The following IGSF11 variants were observed in gnomAD, a reference collection of about 807,000 sequenced individuals.
IGSF11 encodes CXADR like 1.
A neutral mutation model predicts 41.0 loss-of-function variants in IGSF11; 22 were observed. The observed-to-expected ratio is 0.54, with a 90% CI of 0.38 to 0.77. IGSF11 has a LOEUF of 0.77. Ranked by LOEUF, IGSF11 falls within the 30% of genes least tolerant of loss-of-function variation. The pLI, the probability that IGSF11 is intolerant of heterozygous loss-of-function variation, is 0.00. For synonymous variants in IGSF11, 219 were observed against 201.3 expected (o/e 1.09, Z -0.74); for missense variants, 444 against 530.8 (o/e 0.84, Z 1.61).
intron 1 of IGSF11, among the ~76,000 whole-genome samples, chr3:119,056,806 G>C (rs1206919300): frequency 2.0e-5 from 3 of 152,168 alleles, no homozygotes; most frequent in Non-Finnish European, 4.4e-5. Context: ...TGGGATGCAA[G>C]GCTGGTTCAA....
At chr3:119,126,873 C>G (rs2077411834) in intron 1 of IGSF11, among the ~76,000 whole-genome samples, 1 of 152,134 alleles carries the variant, frequency 6.6e-6, no homozygotes, top group South Asian at 2.1e-4. Flanking sequence ...AAACCCCATC[C>G]AAGGGTCAGC....
chr3:118,906,860 A>T (rs909498480), intron 4 of IGSF11, among the ~76,000 whole-genome samples: 1 of 152,118 alleles, frequency 6.6e-6, no homozygotes, highest in African/African-American at 2.4e-5. Context: ...TTTTATTATT[A>T]ATCTCATTGA....
chr3:118,999,598 C>CA (rs1183255492), intron 1 of IGSF11, among the ~76,000 whole-genome samples: 2 of 152,060 alleles, frequency 1.3e-5, no homozygotes, highest in Non-Finnish European at 2.9e-5. Context: ...AGTGACTGAG[C>CA]AAAAAATTTT....
intron 1 of IGSF11, among the ~76,000 whole-genome samples, chr3:119,028,771 A>C (rs757588798): frequency 6.6e-6 from 1 of 152,164 alleles, no homozygotes; most frequent in Non-Finnish European, 1.5e-5. Context: ...TGTAAAGATT[A>C]GTTGAAGCTG....
At chr3:119,110,108 G>A (rs554949980), upstream of IGSF11, among the ~76,000 whole-genome samples, 20 of 152,142 alleles carry the variant, frequency 1.3e-4, no homozygotes, top group East Asian at 7.7e-4. Flanking sequence ...TATTAGGTCC[G>A]CTTGGTGCAG....
At position 119,034,822 on chromosome 3, in the gene IGSF11, T is replaced by C. The variant is rs1576706372; in HGVS notation, c.-240A>G. ...AGAGGCGTTCCGGGCTCGCCAGCCGTGCCACCCAGCCCTGCCCCAGGACTA... is the reference window on the plus strand; with the variant it reads ...AGAGGCGTTCCGGGCTCGCCAGCCGCGCCACCCAGCCCTGCCCCAGGACTA... On this transcript the variant is annotated 5_prime_UTR_variant, in exon 1 of 7. Transcript: ENST00000393775. 4.8e-6 allele frequency: 6 copies of C among 1,255,752 alleles called. No individual in the cohort carries two copies. Among genetic ancestry groups the C allele is most frequent in the East Asian group, 3.2e-5 (1 of 31,412 alleles). The allele number at this position is 1,255,752 out of a possible 1,614,324, so 77.8% of individuals were successfully genotyped here.
intron 1 of IGSF11, among the ~76,000 whole-genome samples, chr3:119,097,205 A>G (rs2076867176): frequency 6.6e-6 from 1 of 152,176 alleles, no homozygotes; most frequent in African/African-American, 2.4e-5. Context: ...TTTGTCTGCC[A>G]TAATACGTTT....
chr3:118,957,036 A>G (rs1328225145), intron 1 of IGSF11, among the ~76,000 whole-genome samples: 2 of 152,058 alleles, frequency 1.3e-5, no homozygotes, highest in Non-Finnish European at 2.9e-5. Flanking sequence ...TTCCATCTAC[A>G]AGCAGGAGTC....
intron 1 of IGSF11, among the ~76,000 whole-genome samples, chr3:119,139,872 G>A (rs2077617739): frequency 1.3e-5 from 2 of 152,146 alleles, no homozygotes; most frequent in South Asian, 4.1e-4. Context: ...ACAAAGAATG[G>A]TGACGGGAAC....
At chr3:119,041,579 A>G (rs1941120020) in intron 1 of IGSF11, among the ~76,000 whole-genome samples, 1 of 152,156 alleles carries the variant, frequency 6.6e-6, no homozygotes, top group Non-Finnish European at 1.5e-5. Flanking sequence ...GCAAGACTCC[A>G]TCTCAAAAAA....
At chr3:119,096,318 AAT>A (rs1403827989) in intron 1 of IGSF11, among the ~76,000 whole-genome samples, 1 of 151,800 alleles carries the variant, frequency 6.6e-6, no homozygotes. Context: ...CTTCAAGTAG[AAT>A]ATATATATAC....
chr3:119,056,269 TA>T (rs1276315703), intron 1 of IGSF11, among the ~76,000 whole-genome samples: 6 of 151,598 alleles, frequency 4.0e-5, no homozygotes, highest in African/African-American at 1.2e-4. Flanking sequence ...ATAGACGCAA[TA>T]AAAAAATGAT....
chr3:118,987,805 T>C (rs1935408240), intron 1 of IGSF11, among the ~76,000 whole-genome samples: 1 of 152,190 alleles, frequency 6.6e-6, no homozygotes, highest in African/African-American at 2.4e-5. Flanking sequence ...GACAGACGAA[T>C]ACCAACTCAG....
chr3:118,905,337 C>T (rs561805463), intron 5 of IGSF11, among the ~76,000 whole-genome samples: 70 of 152,210 alleles, frequency 4.6e-4, no homozygotes, highest in Non-Finnish European at 6.2e-4. Flanking sequence ...ATGTCTATAG[C>T]ATTATACAAT....
At chr3:118,997,140 A>G (rs11923296) in intron 1 of IGSF11, among the ~76,000 whole-genome samples, 3,873 of 151,974 alleles carry the variant, frequency 0.025, 140 homozygotes, top group African/African-American at 0.088. Context: ...ACTAAACAGT[A>G]ATAGGATCCT....
intron 1 of IGSF11, among the ~76,000 whole-genome samples, chr3:119,111,017 C>G (rs1271155337): frequency 2.0e-5 from 3 of 151,772 alleles, no homozygotes; most frequent in African/African-American, 7.3e-5. Context: ...TCTGGCTGCC[C>G]TTAACATTTT....
chr3:119,107,040 A>T (rs376919673), upstream of IGSF11, among the ~76,000 whole-genome samples: 24 of 152,158 alleles, frequency 1.6e-4, 1 homozygote, highest in East Asian at 1.2e-3. Flanking sequence ...TAGTGCCACA[A>T]TCAACATACG....
chr3:118,916,712 A>T (rs1454493679), intron 4 of IGSF11, among the ~76,000 whole-genome samples: 2 of 152,000 alleles, frequency 1.3e-5, no homozygotes, highest in East Asian at 3.9e-4. Context: ...ACAGAAAGTC[A>T]ACAAGGATAC....
chr3:118,918,162 G>A (rs1337477786), intron 4 of IGSF11, among the ~76,000 whole-genome samples: 1 of 82,580 alleles, frequency 1.2e-5, no homozygotes, highest in Admixed American at 1.3e-4. Flanking sequence ...TACTGAATGG[G>A]CAAAAACTGG....
Sources: allele counts gnomAD v4.1 joint callset (sites outside exome capture counted in the v4.1 genomes callset), GRCh38; gene constraint gnomAD v4.1.1; transcripts MANE v1.5; gene names NCBI Gene and HGNC (gene_info 2026-07-23, HGNC 2026-07-21).